The following ARID1B variants were observed in gnomAD, a reference collection of about 807,000 sequenced individuals.
ARID1B encodes the protein AT-rich interactive domain-containing protein 1B.
ARID1B carries 30 observed loss-of-function variants against 212.3 expected under a neutral mutation model. That is an observed-to-expected ratio of 0.14 (90% CI 0.11 to 0.19). The LOEUF is 0.19. Among genes scored for constraint, ARID1B ranks in the 10% least tolerant of loss-of-function variants. ARID1B has a pLI of 1.00. For synonymous variants in ARID1B, 1,402 were observed against 1,301.7 expected, an observed-to-expected ratio of 1.08 and a Z score of -1.66; for missense variants, 2,891 against 3,204.0, an observed-to-expected ratio of 0.90 and a Z score of 2.36.
At chr6:156,806,377 T>G (rs1781156636) in intron 1 of ARID1B, among the ~76,000 whole-genome samples, 1 of 152,242 alleles carries the variant, frequency 6.6e-6, no homozygotes, top group Non-Finnish European at 1.5e-5. Flanking sequence ...AGAACCTCCT[T>G]AGAGCTGGTT....
rs1000155373 is a variant in ARID1B at position 156,901,612 on chromosome 6, A to C, written c.2136+87A>C. The C allele has an allele frequency of 3.2e-5, 47 of 1,455,280 alleles. 1 individual carries two copies. The Admixed American group carries it at 9.4e-4, about 29-fold the overall frequency. 90.1% of individuals were successfully genotyped at this position (1,455,280 alleles called of 1,614,324 possible). The stretch of plus-strand genomic sequence containing the variant: ...AATCATCTTCCTGTCCTTTATTAAA[A>C]ATTATGTTCTGGTGGAAAAAAAATT... On this transcript the variant is annotated intron_variant, in intron 3 of 19. Transcript: ENST00000636930.
chr6:156,827,202 G>A lies in ARID1B; in HGVS notation c.1792-2025G>A, dbSNP rs372430705. Among the ~76,000 whole-genome samples the A allele has an allele frequency of 5.3e-5, 8 of 152,202 alleles. No individual in the cohort carries two copies. The East Asian group carries it at 1.2e-3, about 22-fold the overall frequency. ...GCAGCTCATTATGTCTCTTCCTTCT[G>A]GGCATTTTCACCTGGATTTCATATC... On this transcript the variant is annotated intron_variant, in intron 1 of 19. Coordinates refer to ENST00000636930, the MANE Select transcript of ARID1B (RefSeq NM_001374828.1).
At chr6:157,142,883 G>A in intron 7 of ARID1B, among the ~76,000 whole-genome samples, 1 of 152,128 alleles carries the variant, frequency 6.6e-6, no homozygotes, top group East Asian at 1.9e-4. Flanking sequence ...CATAGTAGTT[G>A]TTCATAACTG....
intron 3 of ARID1B, among the ~76,000 whole-genome samples, chr6:156,931,961 T>TA (rs56102774): frequency 0.024 from 2,310 of 97,298 alleles, 60 homozygotes; most frequent in African/African-American, 0.051. Context: ...GATTCCGTCT[T>TA]AAAAAAAAAA....
At chr6:157,026,260 G>A (rs1206469982) in intron 4 of ARID1B, among the ~76,000 whole-genome samples, 2 of 152,122 alleles carry the variant, frequency 1.3e-5, no homozygotes. Flanking sequence ...TTTTTATCAT[G>A]GAAAGAGACA....
At chr6:156,879,872 G>C (rs1333281493) in intron 2 of ARID1B, among the ~76,000 whole-genome samples, 1 of 152,228 alleles carries the variant, frequency 6.6e-6, no homozygotes, top group Non-Finnish European at 1.5e-5. Context: ...GGAAAGCTAA[G>C]AGTCAACTCA....
chr6:157,176,777 C>T (rs1325886323), intron 11 of ARID1B, among the ~76,000 whole-genome samples: 1 of 152,046 alleles, frequency 6.6e-6, no homozygotes, highest in Admixed American at 6.6e-5. Context: ...ACCCGAGAGG[C>T]GGAGGTTGCA....
intron 1 of ARID1B, among the ~76,000 whole-genome samples, chr6:156,811,052 G>A (rs964629058): frequency 6.6e-6 from 1 of 152,006 alleles, no homozygotes; most frequent in Non-Finnish European, 1.5e-5. Context: ...TCAGACTGTT[G>A]GCAGAATTTA....
chr6:157,202,649 T>TAC (rs754115969), intron 18 of ARID1B, among the ~76,000 whole-genome samples: 3,111 of 150,198 alleles, frequency 0.021, 96 homozygotes, highest in African/African-American at 0.064. Context: ...TGCCACTGTA[T>TAC]ACACACACAC....
At chr6:157,004,916 T>TG (rs1562542430) in intron 4 of ARID1B, among the ~76,000 whole-genome samples, 5 of 116,480 alleles carry the variant, frequency 4.3e-5, no homozygotes, top group African/African-American at 1.7e-4. Flanking sequence ...TTTTTTTTTT[T>TG]TTTTTTTTTT....
chr6:157,201,066 C>T lies in ARID1B; in HGVS notation c.4841C>T (p.Pro1614Leu), dbSNP rs778160923. ...PGGPTQAPPY[P>L]GMNRTDDMMV... The stretch of plus-strand genomic sequence containing the variant: ...GGCCCTACACAGGCGCCCCCTTACC[C>T]AGGCATGAACCGCACAGACGATATG... Residue 1614 changes from proline to leucine, a missense_variant, in exon 18 of 20, where the codon CCA becomes CTA. By Grantham distance (98) the Pro-to-Leu change is moderately conservative. Coordinates refer to ENST00000636930, the MANE Select transcript of ARID1B (RefSeq NM_001374828.1). This position sits in a 1 kb window ranked among gnomAD's most constrained non-coding sequence, Gnocchi z 5.2. 1 of 1,614,020 alleles carries T rather than the reference C, an allele frequency of 6.2e-7. No homozygotes were observed. Among genetic ancestry groups the T allele is most frequent in the South Asian group, 1.1e-5 (1 of 91,082 alleles).
rs1778760810 is a variant in ARID1B, at chr6:156,778,022, C to T, written c.342C>T (p.Ala114=). The change falls in exon 1 of 20, where the codon GCC becomes GCT. Residue 114 remains alanine (A), a synonymous_variant. Coordinates refer to ENST00000636930, the MANE Select transcript of ARID1B (RefSeq NM_001374828.1). The part of the protein sequence containing the change: ...SEAALKEGGS[A]AALSSSSSSS... ...CGGCTCTCAAGGAGGGTGGAAGCGC[C>T]GCCGCGCTGTCCTCCTCCTCCTCCT... 4 of 1,533,940 alleles carry T rather than the reference C, an allele frequency of 2.6e-6. No individual in the cohort carries two copies. The highest frequency in any genetic ancestry group is 2.6e-6 in the Non-Finnish European group (3 of 1,145,606).
chr6:157,114,776 C>T (rs1299188657), intron 6 of ARID1B, among the ~76,000 whole-genome samples: 1 of 152,080 alleles, frequency 6.6e-6, no homozygotes, highest in Admixed American at 6.6e-5. Flanking sequence ...AACACATTTG[C>T]ACAGAGACAA....
chr6:157,186,136 C>CT, intron 13 of ARID1B: 1 of 217,878 alleles, frequency 4.6e-6, no homozygotes, highest in Non-Finnish European at 9.4e-6. Context: ...ATGGGCTGCA[C>CT]TTGTGTATGG....
At chr6:157,145,907 C>T (rs1218881095) in intron 7 of ARID1B, among the ~76,000 whole-genome samples, 2 of 152,172 alleles carry the variant, frequency 1.3e-5, no homozygotes, top group African/African-American at 4.8e-5. Context: ...ACACAAAGAA[C>T]TTGGAACTGA....
intron 6 of ARID1B, among the ~76,000 whole-genome samples, chr6:157,115,332 C>T (rs1285358364): frequency 6.6e-6 from 1 of 152,190 alleles, no homozygotes; most frequent in Non-Finnish European, 1.5e-5. Context: ...TTATTGGGCT[C>T]TCTACTCTCT....
chr6:156,886,855 A>G (rs1344594896), intron 2 of ARID1B, among the ~76,000 whole-genome samples: 7 of 152,174 alleles, frequency 4.6e-5, no homozygotes, highest in Admixed American at 3.9e-4. Flanking sequence ...TGGACTGTGT[A>G]CTGGATATAT....
chr6:157,094,789 G>C lies in ARID1B; in HGVS notation c.2491+9884G>C, dbSNP rs143761161. 1.3e-5 allele frequency among the ~76,000 whole-genome samples: 2 copies of C among 152,300 alleles called. No homozygotes were observed. Among genetic ancestry groups the C allele is most frequent in the Non-Finnish European group, 2.9e-5 (2 of 68,034 alleles). Reference sequence around the variant, plus strand: ...TATACTGTAGGGGAAGGTGGGAGCAGAGACATCGGAGGCTCCTGCAGTAAC... The same window carrying C: ...TATACTGTAGGGGAAGGTGGGAGCACAGACATCGGAGGCTCCTGCAGTAAC... On this transcript the variant is annotated intron_variant, in intron 5 of 19. Transcript: ENST00000636930. This position sits in a 1 kb window ranked among gnomAD's most constrained non-coding sequence, Gnocchi z 4.3.
chr6:157,099,701 A>G (rs1477597531), intron 5 of ARID1B, among the ~76,000 whole-genome samples: 5 of 152,134 alleles, frequency 3.3e-5, no homozygotes, highest in Non-Finnish European at 7.3e-5. Flanking sequence ...TAGCTAATCT[A>G]TCTTCAAGCC....
Sources: gnomAD v4.1 joint callset for allele counts (sites outside exome capture counted in the v4.1 genomes callset) on GRCh38, gnomAD v4.1.1 for gene constraint, Gnocchi (gnomAD v3.1) non-coding constraint, MANE v1.5 for transcripts, NCBI Gene and HGNC (gene_info 2026-07-23, HGNC 2026-07-21) for gene names.